The following NRXN3 variants were observed in gnomAD, a reference collection of about 807,000 sequenced individuals.
NRXN3 encodes the protein neurexin 3.
Under a neutral mutation model 137.6 loss-of-function variants are expected in NRXN3, and 32 were observed. The observed-to-expected ratio is 0.23, with a 90% CI of 0.18 to 0.31. The LOEUF (loss-of-function observed/expected upper bound fraction) is 0.31, where lower values mean the gene tolerates loss of function less well. NRXN3 is among the 10% of genes least tolerant of loss of function. The pLI is 1.00. For missense variants in NRXN3, 1,574 were observed against 2,062.5 expected, an observed-to-expected ratio of 0.76 and a Z score of 4.59; for synonymous variants, 798 against 784.5, an observed-to-expected ratio of 1.02 and a Z score of -0.29.
chr14:79,411,901 T>A (rs900618923), intron 15 of NRXN3, among the ~76,000 whole-genome samples: 3 of 152,144 alleles, frequency 2.0e-5, no homozygotes, highest in Non-Finnish European at 4.4e-5. Flanking sequence ...TTTTTCTGAG[T>A]GCATTGTGAT....
intron 20 of NRXN3, among the ~76,000 whole-genome samples, chr14:79,849,733 C>T (rs1012340931): frequency 6.6e-6 from 1 of 152,152 alleles, no homozygotes; most frequent in African/African-American, 2.4e-5. Flanking sequence ...CCATATAACC[C>T]AGCAATGCCT....
At chr14:79,711,570 T>C (rs2098804468) in intron 19 of NRXN3, among the ~76,000 whole-genome samples, 1 of 152,140 alleles carries the variant, frequency 6.6e-6, no homozygotes, top group Admixed American at 6.5e-5. Context: ...TCCTCCTGCG[T>C]TGGAGTGCTG....
At chr14:79,671,862 A>G (rs577115094) in intron 17 of NRXN3, among the ~76,000 whole-genome samples, 1 of 152,208 alleles carries the variant, frequency 6.6e-6, no homozygotes, top group African/African-American at 2.4e-5. Flanking sequence ...ATAACCACCC[A>G]GAAGACAAAG....
intron 4 of NRXN3, among the ~76,000 whole-genome samples, chr14:78,403,412 T>G (rs2092254914): frequency 6.6e-6 from 1 of 152,186 alleles, no homozygotes; most frequent in South Asian, 2.1e-4. Flanking sequence ...AGAGCTCGCA[T>G]TCTGGGAATC....
At chr14:78,883,983 G>A (rs1006356695) in intron 10 of NRXN3, among the ~76,000 whole-genome samples, 2 of 152,184 alleles carry the variant, frequency 1.3e-5, no homozygotes, top group African/African-American at 4.8e-5. Flanking sequence ...GTGTCATTGA[G>A]TGATTCAGAC....
chr14:78,459,386 C>T (rs762117217), intron 4 of NRXN3, among the ~76,000 whole-genome samples: 7 of 152,116 alleles, frequency 4.6e-5, no homozygotes, highest in Non-Finnish European at 8.8e-5. Flanking sequence ...GTATGAGGTG[C>T]CCAGAAAAGA....
chr14:79,569,602 CGTGTGTGTGT>C (rs3061386), intron 16 of NRXN3, among the ~76,000 whole-genome samples: 1 of 145,514 alleles, frequency 6.9e-6, no homozygotes, highest in Non-Finnish European at 1.5e-5. Flanking sequence ...GAATGAGCAA[CGTGTGTGTGT>C]GTGTGTGTGT....
intron 19 of NRXN3, among the ~76,000 whole-genome samples, chr14:79,731,437 A>G (rs948116749): frequency 1.3e-5 from 2 of 152,198 alleles, no homozygotes; most frequent in African/African-American, 2.4e-5. Flanking sequence ...CACACATCCC[A>G]TCTAGGACTA....
intron 19 of NRXN3, among the ~76,000 whole-genome samples, chr14:79,770,629 G>A (rs1239590791): frequency 6.7e-6 from 1 of 150,354 alleles, no homozygotes; most frequent in Admixed American, 6.6e-5. Context: ...AAAGCAGTGT[G>A]TAGAGGGAAA....
At chr14:78,697,621 TAGGG>T (rs1292029005) in intron 6 of NRXN3, among the ~76,000 whole-genome samples, 1 of 152,004 alleles carries the variant, frequency 6.6e-6, no homozygotes, top group African/African-American at 2.4e-5. Context: ...GTAAAAGTAT[TAGGG>T]CCTATATACC....
intron 10 of NRXN3, among the ~76,000 whole-genome samples, chr14:78,848,438 G>T (rs1247335438): frequency 6.6e-6 from 1 of 152,142 alleles, no homozygotes; most frequent in Non-Finnish European, 1.5e-5. Context: ...CCCTCTGGCG[G>T]CTGGCATGCA....
intron 16 of NRXN3, among the ~76,000 whole-genome samples, chr14:79,578,770 A>C (rs1424295326): frequency 1.3e-5 from 2 of 152,188 alleles, no homozygotes; most frequent in African/African-American, 2.4e-5. Context: ...TCACAGCTTG[A>C]GACAAGGCAA....
At chr14:79,619,804 A>T (rs2098202247) in intron 16 of NRXN3, among the ~76,000 whole-genome samples, 1 of 152,144 alleles carries the variant, frequency 6.6e-6, no homozygotes, top group Non-Finnish European at 1.5e-5. Flanking sequence ...CTACTGATAA[A>T]GCAAGTACCA....
Position 79,173,365 on chromosome 14 carries a change from A to T in NRXN3, c.3262+185224A>T, listed in dbSNP as rs539779642. ...GGCGACATGATGAGACCCTATCTTT[A>T]CACAGGCACACACGCACATAGCTGG... On this transcript the variant is annotated intron_variant, in intron 15 of 20. Transcript: ENST00000335750. 7.2e-5 allele frequency among the ~76,000 whole-genome samples: 11 copies of T among 151,902 alleles called. No individual in the cohort carries two copies. The South Asian group carries it at 1.2e-3, about 17-fold the overall frequency.
chr14:78,302,387 A>G (rs1452162864), intron 4 of NRXN3, among the ~76,000 whole-genome samples: 1 of 152,212 alleles, frequency 6.6e-6, no homozygotes, highest in African/African-American at 2.4e-5. Context: ...TCTGTGAGGT[A>G]GGTGGTGGCA....
At chr14:78,379,953 A>G (rs1425021382) in intron 4 of NRXN3, among the ~76,000 whole-genome samples, 2 of 152,234 alleles carry the variant, frequency 1.3e-5, no homozygotes, top group Non-Finnish European at 2.9e-5. Flanking sequence ...GTAGTGAACC[A>G]CATGGACATC....
chr14:79,479,689 CA>C (rs1196017266), intron 16 of NRXN3, among the ~76,000 whole-genome samples: 2 of 151,988 alleles, frequency 1.3e-5, no homozygotes, highest in Non-Finnish European at 2.9e-5. Context: ...TTTTTGGATT[CA>C]AAGAAACTCA....
chr14:79,224,031 C>T (rs1024521181), intron 15 of NRXN3, among the ~76,000 whole-genome samples: 3 of 152,030 alleles, frequency 2.0e-5, no homozygotes, highest in Admixed American at 6.6e-5. Flanking sequence ...AAAAAGGATT[C>T]ATCAGCAATA....
At position 78,506,204 on chromosome 14, in the gene NRXN3, A is replaced by G. The variant is rs551461305; in HGVS notation, c.758-138916A>G. Among the ~76,000 whole-genome samples the G allele has an allele frequency of 8.7e-4, 133 of 152,280 alleles. 1 individual carries two copies. Among genetic ancestry groups the G allele is most frequent in the South Asian group, 3.9e-3 (19 of 4,824 alleles). On this transcript the variant is annotated intron_variant, in intron 4 of 20. Coordinates refer to ENST00000335750, the MANE Select transcript of NRXN3 (RefSeq NM_001330195.2). ...TGACTATTACAGATATGTCATATAAATGGAACCCTGTAGTATTTGTCCTGT... is the reference window on the plus strand; with the variant it reads ...TGACTATTACAGATATGTCATATAAGTGGAACCCTGTAGTATTTGTCCTGT...
Sources: gnomAD v4.1 joint callset for allele counts (sites outside exome capture counted in the v4.1 genomes callset) on GRCh38, gnomAD v4.1.1 for gene constraint, MANE v1.5 for transcripts, NCBI Gene and HGNC (gene_info 2026-07-23, HGNC 2026-07-21) for gene names.